The following MYO3B variants were observed in gnomAD, a reference collection of about 807,000 sequenced individuals.
MYO3B encodes myosin IIIB.
Under a neutral mutation model 174.6 loss-of-function variants are expected in MYO3B, and 156 were observed. The ratio of observed to expected loss-of-function variants is 0.89; its 90% CI spans 0.78 to 1.02. The LOEUF is 1.02. Ranked by LOEUF, MYO3B falls within the 50% of genes least tolerant of loss-of-function variation. The pLI is 0.00. For synonymous variants in MYO3B, 563 were observed against 569.1 expected (o/e 0.99, Z 0.15); for missense variants, 1,632 against 1,639.4 (o/e 1.00, Z 0.08).
chr2:170,581,308 C>T (rs140711915), intron 32 of MYO3B, among the ~76,000 whole-genome samples: 35 of 152,220 alleles, frequency 2.3e-4, no homozygotes, highest in Non-Finnish European at 4.6e-4. Flanking sequence ...TGGTGAACTA[C>T]GTATTCATGT....
intron 3 of MYO3B, among the ~76,000 whole-genome samples, chr2:170,211,665 G>T (rs938373830): frequency 6.6e-6 from 1 of 152,124 alleles, no homozygotes; most frequent in Admixed American, 6.5e-5. Flanking sequence ...ATATTAACTG[G>T]AAAGTACTCA....
chr2:170,215,959 G>A (rs1158548570), intron 5 of MYO3B, among the ~76,000 whole-genome samples: 1 of 152,194 alleles, frequency 6.6e-6, no homozygotes, highest in African/African-American at 2.4e-5. Flanking sequence ...TCCATTAGAA[G>A]GTTCCTGAAC....
At chr2:170,353,972 A>G (rs137992286) in intron 8 of MYO3B, among the ~76,000 whole-genome samples, 8 of 152,356 alleles carry the variant, frequency 5.3e-5, no homozygotes, top group Non-Finnish European at 5.9e-5. Context: ...CACACATTCA[A>G]TCATTCATCG....
chr2:170,280,500 CAATTTTGCCATGAAATTTTTGCCATGA>C (rs572418945), intron 7 of MYO3B, among the ~76,000 whole-genome samples: 1,655 of 152,204 alleles, frequency 0.011, 15 homozygotes, highest in Non-Finnish European at 0.015. Context: ...GCTTTTGTGG[CAATTTTGCCATGAAATTTTTGCCATGA>C]AATTTTGTCA....
intron 16 of MYO3B, among the ~76,000 whole-genome samples, chr2:170,397,256 G>A (rs187081002): frequency 1.3e-5 from 2 of 152,314 alleles, no homozygotes; most frequent in East Asian, 3.9e-4. Flanking sequence ...CAGGTATCCA[G>A]CAGATGTCAC....
intron 28 of MYO3B, among the ~76,000 whole-genome samples, chr2:170,510,996 G>T (rs2106114398): frequency 6.6e-6 from 1 of 151,700 alleles, no homozygotes; most frequent in African/African-American, 2.4e-5. Context: ...AGGACAATTG[G>T]ATTGTTTCCA....
chr2:170,386,144 T>C (rs1266314022), intron 12 of MYO3B, 45 bp from the exon 13 acceptor site: 2 of 1,548,866 alleles, frequency 1.3e-6, no homozygotes, highest in South Asian at 2.2e-5. Flanking sequence ...GCAAGTTGCT[T>C]CTGTGCTATA....
intron 1 of MYO3B, among the ~76,000 whole-genome samples, chr2:170,184,876 A>G (rs1010783699): frequency 6.6e-5 from 10 of 152,120 alleles, no homozygotes; most frequent in Non-Finnish European, 1.3e-4. Flanking sequence ...TTTGGTTAAA[A>G]GCCATTTTAA....
At chr2:170,274,834 C>G (rs371928812) in intron 7 of MYO3B, among the ~76,000 whole-genome samples, 1 of 152,236 alleles carries the variant, frequency 6.6e-6, no homozygotes. Flanking sequence ...AATATTTTCT[C>G]TACAACACAT....
chr2:170,340,767 A>C (rs1574814961), intron 8 of MYO3B: 1 of 152,160 alleles, frequency 6.6e-6, no homozygotes. Flanking sequence ...CACCTGTCAC[A>C]TGAGGATCTT....
At chr2:170,611,155 T>G (rs1157291990) in intron 32 of MYO3B, among the ~76,000 whole-genome samples, 2 of 152,140 alleles carry the variant, frequency 1.3e-5, no homozygotes, top group East Asian at 3.9e-4. Context: ...TGGATGGGAT[T>G]AGCAGGTCAG....
intron 1 of MYO3B, among the ~76,000 whole-genome samples, chr2:170,191,839 T>C (rs2092544175): frequency 1.3e-5 from 2 of 152,312 alleles, no homozygotes; most frequent in African/African-American, 2.4e-5. Flanking sequence ...TGCTTTTTTG[T>C]GTGGATAGTT....
intron 32 of MYO3B, among the ~76,000 whole-genome samples, chr2:170,637,903 A>ATACT (rs1697647310): frequency 6.6e-6 from 1 of 152,194 alleles, no homozygotes; most frequent in African/African-American, 2.4e-5. Flanking sequence ...CTTCTCTCAG[A>ATACT]TACTTACTAT....
rs550118673 is a variant in MYO3B, at chr2:170,206,394, G to A, written c.321+6110G>A. On this transcript the variant is annotated intron_variant, in intron 3 of 34. Transcript: ENST00000408978. The surrounding 1 kb of genome is among the most constrained non-coding windows in gnomAD (Gnocchi z 4.3). ...TCCACATTCCACACTATAATTACTC[G>A]TATGTCCATTACTGGGCAGTGACCT... 1.1e-4 allele frequency among the ~76,000 whole-genome samples: 17 copies of A among 152,108 alleles called. No individual in the cohort carries two copies. The highest frequency in any genetic ancestry group is 3.9e-4 in the African/African-American group (16 of 41,480).
intron 30 of MYO3B, among the ~76,000 whole-genome samples, chr2:170,540,729 A>AT (rs1202065774): frequency 5.3e-5 from 8 of 152,160 alleles, no homozygotes; most frequent in African/African-American, 9.7e-5. Flanking sequence ...AGGAAGTTAG[A>AT]TTTTTTAAGA....
At chr2:170,243,439 A>G (rs548823186) in intron 7 of MYO3B, among the ~76,000 whole-genome samples, 1 of 150,832 alleles carries the variant, frequency 6.6e-6, no homozygotes, top group Non-Finnish European at 1.5e-5. Flanking sequence ...TTTGCTCTCA[A>G]GTTATTACAG....
intron 7 of MYO3B, among the ~76,000 whole-genome samples, chr2:170,263,495 T>A (rs148446377): frequency 0.013 from 1,977 of 152,166 alleles, 56 homozygotes; most frequent in African/African-American, 0.045. Flanking sequence ...GAGAGGGGGA[T>A]GTGGCAGGAC....
At chr2:170,263,189 G>T (rs2093357855) in intron 7 of MYO3B, among the ~76,000 whole-genome samples, 1 of 152,160 alleles carries the variant, frequency 6.6e-6, no homozygotes, top group African/African-American at 2.4e-5. Flanking sequence ...TGCAGGCAGG[G>T]CTTGGCTAGA....
At chr2:170,620,404 A>G (rs536681625) in intron 32 of MYO3B, among the ~76,000 whole-genome samples, 1 of 152,314 alleles carries the variant, frequency 6.6e-6, no homozygotes, top group South Asian at 2.1e-4. Context: ...TTTATTAACT[A>G]TATTAGGCAA....
Sources: allele counts gnomAD v4.1 joint callset (sites outside exome capture counted in the v4.1 genomes callset), GRCh38; gene constraint gnomAD v4.1.1; non-coding constraint Gnocchi (gnomAD v3.1); transcripts MANE v1.5; gene names NCBI Gene and HGNC (gene_info 2026-07-23, HGNC 2026-07-21).